The following CALCR variants were observed in gnomAD, a reference collection of about 807,000 sequenced individuals.
The protein encoded by CALCR is calcitonin receptor.
Under a neutral mutation model 59.5 loss-of-function variants are expected in CALCR, and 47 were observed. The observed-to-expected ratio is 0.79, with a 90% confidence interval of 0.63 to 1.01. The LOEUF (loss-of-function observed/expected upper bound fraction) is 1.01, where lower values mean the gene tolerates loss of function less well. CALCR is among the 50% of genes least tolerant of loss of function. CALCR has a pLI of 0.00. For synonymous variants in CALCR, 213 were observed against 211.3 expected, an observed-to-expected ratio of 1.01 and a Z score of -0.07; for missense variants, 566 against 597.1, an observed-to-expected ratio of 0.95 and a Z score of 0.54.
chr7:93,447,030 C>T (rs1049335189), intron 8 of CALCR, among the ~76,000 whole-genome samples: 1 of 151,954 alleles, frequency 6.6e-6, no homozygotes, highest in Non-Finnish European at 1.5e-5. Flanking sequence ...TCCACTTTGG[C>T]TTCAATGAGT....
chr7:93,572,446 T>A (rs1170222997), intron 2 of CALCR, among the ~76,000 whole-genome samples: 1 of 152,118 alleles, frequency 6.6e-6, no homozygotes, highest in Non-Finnish European at 1.5e-5. Context: ...AGGCTGAGCA[T>A]CCGTATTTTT....
intron 8 of CALCR, among the ~76,000 whole-genome samples, chr7:93,454,714 G>A (rs1295968020): frequency 1.3e-5 from 2 of 151,928 alleles, no homozygotes; most frequent in African/African-American, 4.8e-5. Context: ...AACTGAGGAT[G>A]TATTCAGCCC....
chr7:93,513,161 T>C (rs998232388), intron 2 of CALCR, among the ~76,000 whole-genome samples: 28 of 152,292 alleles, frequency 1.8e-4, no homozygotes, highest in Non-Finnish European at 2.4e-4. Flanking sequence ...CTCAGTGCAC[T>C]TCTAGCATGG....
intron 2 of CALCR, among the ~76,000 whole-genome samples, chr7:93,548,254 C>A (rs1244516701): frequency 6.6e-6 from 1 of 152,144 alleles, no homozygotes; most frequent in Non-Finnish European, 1.5e-5. Flanking sequence ...GATAGAGCAT[C>A]TTTTGGGGAT....
chr7:93,473,214 ACCTTC>A (rs1366035449), intron 5 of CALCR, among the ~76,000 whole-genome samples: 1 of 151,806 alleles, frequency 6.6e-6, no homozygotes, highest in East Asian at 1.9e-4. Flanking sequence ...AAAGATCTCC[ACCTTC>A]GCTATGGGGG....
intron 2 of CALCR, among the ~76,000 whole-genome samples, chr7:93,565,525 G>A (rs1365260282): frequency 2.6e-5 from 4 of 152,116 alleles, no homozygotes; most frequent in Non-Finnish European, 5.9e-5. Flanking sequence ...TTTCCTCATG[G>A]GATGCAATAC....
At position 93,476,138 on chromosome 7, in the gene CALCR, C is replaced by A. The variant is rs145719888; in HGVS notation, c.316+1420G>T. Among the ~76,000 whole-genome samples the A allele has an allele frequency of 2.6e-3, 394 of 151,748 alleles. 3 individuals carry two copies. The highest frequency in any genetic ancestry group is 8.4e-3 in the African/African-American group (350 of 41,448). On this transcript the variant is annotated intron_variant, in intron 5 of 13. Transcript: ENST00000426151. The stretch of plus-strand genomic sequence containing the variant: ...CTGGGTTGAGAATCACCGTCCCAAA[C>A]CATATTTGGACCATTTAATGGCTCT...
chr7:93,457,954 G>A (rs1800241884), intron 8 of CALCR, among the ~76,000 whole-genome samples: 1 of 152,124 alleles, frequency 6.6e-6, no homozygotes, highest in Non-Finnish European at 1.5e-5. Flanking sequence ...TCATGCTACG[G>A]AGGACACTTA....
At chr7:93,497,852 C>T (rs1206655285) in intron 2 of CALCR, among the ~76,000 whole-genome samples, 1 of 151,426 alleles carries the variant, frequency 6.6e-6, no homozygotes, top group African/African-American at 2.4e-5. Flanking sequence ...TTTTTATTAT[C>T]ACTGCCTAGA....
intron 8 of CALCR, among the ~76,000 whole-genome samples, chr7:93,445,524 T>G (rs908353757): frequency 6.6e-6 from 1 of 152,080 alleles, no homozygotes; most frequent in Non-Finnish European, 1.5e-5. Context: ...TATTGTTATT[T>G]TCAGTAGTTA....
At chr7:93,460,012 C>G (rs1370841349) in intron 8 of CALCR, among the ~76,000 whole-genome samples, 1 of 152,124 alleles carries the variant, frequency 6.6e-6, no homozygotes, top group Admixed American at 6.6e-5. Context: ...CATAATGACA[C>G]AAAACATGAT....
intron 2 of CALCR, among the ~76,000 whole-genome samples, chr7:93,527,119 T>C (rs1788675800): frequency 6.6e-6 from 1 of 151,990 alleles, no homozygotes; most frequent in Admixed American, 6.6e-5. Flanking sequence ...TTAAAGTTTT[T>C]AGTAGAACTT....
At chr7:93,456,662 T>C (rs1800216527) in intron 8 of CALCR, among the ~76,000 whole-genome samples, 1 of 152,166 alleles carries the variant, frequency 6.6e-6, no homozygotes, top group Admixed American at 6.6e-5. Context: ...AAATTCTATC[T>C]TTAAAATGTT....
intron 2 of CALCR, among the ~76,000 whole-genome samples, chr7:93,568,182 T>C (rs1170260223): frequency 6.6e-6 from 1 of 152,148 alleles, no homozygotes; most frequent in Non-Finnish European, 1.5e-5. Flanking sequence ...CATGATGTGA[T>C]ATGACATCTT....
At chr7:93,517,760 G>A (rs1801679331) in intron 2 of CALCR, among the ~76,000 whole-genome samples, 1 of 151,924 alleles carries the variant, frequency 6.6e-6, no homozygotes, top group South Asian at 2.1e-4. Context: ...ACTCATGGTT[G>A]TAATGAGGAT....
intron 2 of CALCR, among the ~76,000 whole-genome samples, chr7:93,532,439 A>C (rs1057042904): frequency 2.0e-5 from 3 of 152,036 alleles, no homozygotes; most frequent in African/African-American, 4.8e-5. Context: ...TAGGCAGAGT[A>C]GAGTAAAGTT....
At chr7:93,512,416 T>C (rs1187498385) in intron 2 of CALCR, among the ~76,000 whole-genome samples, 1 of 152,146 alleles carries the variant, frequency 6.6e-6, no homozygotes, top group African/African-American at 2.4e-5. Context: ...ACAGCTCATG[T>C]TTTAATTCTC....
At chr7:93,460,600 T>TATATATATAC (rs1562982616) in intron 8 of CALCR, among the ~76,000 whole-genome samples, 2 of 137,162 alleles carry the variant, frequency 1.5e-5, no homozygotes, top group South Asian at 4.7e-4. Context: ...TATGTATATA[T>TATATATATAC]ATATATATAT....
At chr7:93,465,732 A>C (rs889188634) in intron 7 of CALCR, among the ~76,000 whole-genome samples, 1 of 151,584 alleles carries the variant, frequency 6.6e-6, no homozygotes, top group Non-Finnish European at 1.5e-5. Context: ...TTCCAACAGC[A>C]CAAGGAGCAT....
Sources: gnomAD v4.1 joint callset for allele counts (sites outside exome capture counted in the v4.1 genomes callset) on GRCh38, gnomAD v4.1.1 for gene constraint, MANE v1.5 for transcripts, NCBI Gene and HGNC (gene_info 2026-07-23, HGNC 2026-07-21) for gene names.